CTSE: variants seen among roughly 807,000 people sequenced by gnomAD.
CTSE encodes erythrocyte membrane aspartic proteinase.
CTSE carries 43 observed loss-of-function variants against 42.8 expected under a neutral mutation model. The observed-to-expected ratio is 1.01, with a 90% CI of 0.79 to 1.30. The LOEUF (loss-of-function observed/expected upper bound fraction) is 1.30, where lower values mean the gene tolerates loss of function less well. Among genes scored for constraint, CTSE ranks in the 50% most tolerant of loss-of-function variants. The pLI is 0.00. For missense variants in CTSE, 532 were observed against 493.5 expected, an observed-to-expected ratio of 1.08 and a Z score of -0.74; for synonymous variants, 205 against 191.5, an observed-to-expected ratio of 1.07 and a Z score of -0.58.
In CTSE at chr1:206,012,766, G is replaced by A. The variant is rs144811215; in HGVS notation, c.786-117C>T. On this transcript the variant is annotated intron_variant, in intron 6 of 8. Coordinates refer to ENST00000358184, the MANE Select transcript of CTSE (RefSeq NM_001910.4). ...CATCAATGATTTCCACCCACCATAT[G>A]AGTGTTCCTCAATTGTTTTCTACTG... 366 of 1,168,418 alleles carry A rather than the reference G, an allele frequency of 3.1e-4. 2 individuals are homozygous for A. The African/African-American group carries it at 3.8e-3, about 12-fold the overall frequency. 72.4% of individuals were successfully genotyped at this position (1,168,418 alleles called of 1,614,324 possible). A position where few individuals can be genotyped will look rare whatever the true frequency, so the allele number is the denominator to read the frequency against.
chr1:206,015,183 C>T (rs530863400), intron 5 of CTSE, among the ~76,000 whole-genome samples: 4 of 152,212 alleles, frequency 2.6e-5, no homozygotes, highest in Middle Eastern at 3.4e-3. Context: ...TTTGAGTCTA[C>T]AATTCAGTAG....
chr1:206,021,614 C>T (rs971680035), intron 3 of CTSE, among the ~76,000 whole-genome samples: 3 of 151,952 alleles, frequency 2.0e-5, no homozygotes, highest in Non-Finnish European at 2.9e-5. Context: ...TGTCCTGTAT[C>T]GAACAAGACA....
intron 4 of CTSE, 149 bp from the exon 5 acceptor site, chr1:206,016,279 ATTCCC>A: frequency 1.4e-6 from 1 of 704,716 alleles, no homozygotes; most frequent in Non-Finnish European, 2.4e-6. Flanking sequence ...TGCTTGCTAT[ATTCCC>A]AAAAAACAGG....
chr1:206,023,245 C>A lies in CTSE; in HGVS notation c.69-188G>T, dbSNP rs966146810. The stretch of plus-strand genomic sequence containing the variant: ...CTCAGCCTGCCCGGCCTCATCTCTG[C>A]CCTATAGAGTCTTAGAATCTTAGAG... On this transcript the variant is annotated intron_variant, in intron 1 of 8. Transcript: ENST00000358184. Among the ~76,000 whole-genome samples, 16 of 151,918 alleles carry A rather than the reference C, an allele frequency of 1.1e-4. 1 individual carries two copies. The highest frequency in any genetic ancestry group is 2.1e-4 in the South Asian group (1 of 4,816).
rs1254402282 is a variant in CTSE, at chr1:206,009,869, A to G, written c.*314T>C. 5.4e-6 allele frequency: 2 copies of G among 370,560 alleles called. No individual in the cohort carries two copies. The highest frequency in any genetic ancestry group is 2.6e-5 in the South Asian group (1 of 38,100). 23.0% of individuals were successfully genotyped at this position (370,560 alleles called of 1,614,324 possible). On this transcript the variant is annotated 3_prime_UTR_variant, in exon 9 of 9. Transcript: ENST00000358184. ...ATTATACCATGATCTCTGCTTGTGC[A>G]TATGTTTGGAGATTTTCATAATCAA...
Position 206,021,070 on chromosome 1 carries a change from G to A in CTSE, c.441C>T (p.Ile147=), listed in dbSNP as rs142432053. ...IQYGTGSLSG[I]IGADQVSVEG... ...TCACAGAGACTTGGTCGGCTCCAAT[G>A]ATCCCGGACAAGCTCCCGGTTCCAT... The change falls in exon 4 of 9, where the codon ATC becomes ATT. Residue 147 remains isoleucine (I), a synonymous_variant. Transcript: ENST00000358184. The A allele has an allele frequency of 2.2e-4, 358 of 1,612,122 alleles. 1 individual carries two copies. The African/African-American group carries it at 4.1e-3, about 18-fold the overall frequency.
chr1:206,013,621 G>T, intron 6 of CTSE, 151 bp downstream of exon 6: 1 of 946,022 alleles, frequency 1.1e-6, no homozygotes, highest in Non-Finnish European at 1.6e-6. Context: ...GTCCCTTCCT[G>T]CACACTTGCT....
chr1:206,016,442 T>C (rs1571815127), intron 4 of CTSE, among the ~76,000 whole-genome samples: 1 of 152,210 alleles, frequency 6.6e-6, no homozygotes, highest in South Asian at 2.1e-4. Context: ...ATGAACTCTT[T>C]GGTATCTGGC....
rs1201855822 is a variant in CTSE, at chr1:206,010,315, A to G, written c.1059T>C (p.Ser353=). 5.6e-6 allele frequency: 9 copies of G among 1,613,660 alleles called. No homozygotes were observed. Among genetic ancestry groups the G allele is most frequent in the Non-Finnish European group, 7.6e-6 (9 of 1,179,820 alleles). Residue 353 remains serine (S), a synonymous_variant, in exon 9 of 9, where the codon AGT becomes AGC. Transcript: ENST00000358184. ...DFVDGMQFCS[S]GFQGLDIHPP... is the part of the protein sequence containing the mutation. ...GGTGGATGTCAAGTCCTTGAAAGCC[A>G]CTGCTGCAGAACTGCATTCCATCCA... is the stretch of plus-strand genomic sequence containing the variant.
At chr1:206,012,212 G>A in intron 8 of CTSE, 96 bp downstream of exon 8, 1 of 979,326 alleles carries the variant, frequency 1.0e-6, no homozygotes, top group Non-Finnish European at 1.6e-6. Context: ...GCGGGGCTTA[G>A]GGTAAAGGCG....
At chr1:206,010,414 T>C in intron 8 of CTSE, 67 bp from the exon 9 acceptor site, 1 of 1,421,536 alleles carries the variant, frequency 7.0e-7, no homozygotes, top group South Asian at 1.2e-5. Flanking sequence ...GCCTGGAGGC[T>C]GCCTGTGTGG....
chr1:206,014,455 T>C (rs782120214), intron 5 of CTSE, among the ~76,000 whole-genome samples: 10 of 151,992 alleles, frequency 6.6e-5, no homozygotes, highest in Admixed American at 2.0e-4. Context: ...CAGATTCATT[T>C]TGAGGAGGAA....
At chr1:206,017,694 GTCTCAAACT>G (rs1661300073) in intron 4 of CTSE, among the ~76,000 whole-genome samples, 2 of 151,846 alleles carry the variant, frequency 1.3e-5, no homozygotes, top group South Asian at 4.2e-4. Flanking sequence ...GGTCAGGCTG[GTCTCAAACT>G]CCTGACCTCA....
chr1:206,022,339 G>T, intron 2 of CTSE, 72 bp from the exon 3 acceptor site: 1 of 1,101,578 alleles, frequency 9.1e-7, no homozygotes, highest in South Asian at 1.5e-5. Context: ...CAGGAAGCCA[G>T]GGGAAAGCTC....
rs377076992 is a variant in CTSE at position 206,020,037 on chromosome 1, T to A, written c.462+1012A>T. Among the ~76,000 whole-genome samples the A allele has an allele frequency of 1.2e-4, 17 of 145,566 alleles. 1 individual carries two copies. In the East Asian group the frequency reaches 2.3e-3, roughly 20 times the overall value. On this transcript the variant is annotated intron_variant, in intron 4 of 8. Coordinates refer to ENST00000358184, the MANE Select transcript of CTSE (RefSeq NM_001910.4). ...TACATATTATATTAATTATATAATA[T>A]ATAACATGTATTATATGATATAATT...
intron 2 of CTSE, 33 bp downstream of exon 2, chr1:206,022,868 C>T: frequency 1.3e-6 from 2 of 1,527,128 alleles, no homozygotes; most frequent in Non-Finnish European, 1.8e-6. Context: ...CCCGCTCCCA[C>T]CTCTCCCCAG....
chr1:206,023,228 G>A (rs1661503699), intron 1 of CTSE, among the ~76,000 whole-genome samples, 171 bp from the exon 2 acceptor site: 1 of 151,914 alleles, frequency 6.6e-6, no homozygotes, highest in South Asian at 2.1e-4. Flanking sequence ...CACTCAGCCT[G>A]CCCGGCCTCA....
intron 3 of CTSE, 96 bp from the exon 4 acceptor site, chr1:206,021,263 C>T (rs1661413880): frequency 1.1e-6 from 1 of 946,282 alleles, no homozygotes; most frequent in Non-Finnish European, 1.7e-6. Context: ...GGGTCTCTTC[C>T]CTCAGCTCTC....
chr1:206,010,552 C>A (rs1018737016), intron 8 of CTSE, among the ~76,000 whole-genome samples: 18 of 152,014 alleles, frequency 1.2e-4, no homozygotes, highest in African/African-American at 4.3e-4. Context: ...CTGCACAAGT[C>A]CATTCTTATG....
Sources: allele counts gnomAD v4.1 joint callset (sites outside exome capture counted in the v4.1 genomes callset), GRCh38; gene constraint gnomAD v4.1.1; transcripts MANE v1.5; gene names NCBI Gene and HGNC (gene_info 2026-07-23, HGNC 2026-07-21).